NCAM2: variants seen among roughly 807,000 people sequenced by gnomAD.
The protein encoded by NCAM2 is neural cell adhesion molecule 2.
NCAM2 carries 30 observed loss-of-function variants against 98.1 expected under a neutral mutation model. The observed-to-expected ratio is 0.31, with a 90% confidence interval of 0.23 to 0.41. The LOEUF is 0.41. Ranked by LOEUF, NCAM2 falls within the 10% of genes least tolerant of loss-of-function variation. The pLI is 1.00. For synonymous variants in NCAM2, 368 were observed against 342.4 expected (o/e 1.07, Z -0.83); for missense variants, 867 against 1,005.8 (o/e 0.86, Z 1.87).
At chr21:21,470,117 T>C (rs1602434988) in intron 14 of NCAM2, among the ~76,000 whole-genome samples, 1 of 152,076 alleles carries the variant, frequency 6.6e-6, no homozygotes, top group East Asian at 1.9e-4. Context: ...ACGTGTTGTA[T>C]ATTTTTATTT....
At chr21:21,068,290 G>A (rs1443043162) in intron 1 of NCAM2, among the ~76,000 whole-genome samples, 3 of 151,286 alleles carry the variant, frequency 2.0e-5, no homozygotes, top group Non-Finnish European at 4.4e-5. Flanking sequence ...CCACCACCGT[G>A]CCTGGCTAAT....
intron 8 of NCAM2, among the ~76,000 whole-genome samples, chr21:21,343,286 G>A (rs1294656512): frequency 6.0e-5 from 9 of 150,454 alleles, no homozygotes; most frequent in African/African-American, 2.2e-4. Flanking sequence ...GAGCAAAATG[G>A]CAGAATAGAA....
chr21:21,389,815 A>G (rs747299378), intron 9 of NCAM2, among the ~76,000 whole-genome samples: 11 of 152,148 alleles, frequency 7.2e-5, no homozygotes, highest in Non-Finnish European at 1.3e-4. Context: ...TTATCCATTC[A>G]TGCACTGGTG....
chr21:21,480,298 C>T (rs372850905), intron 15 of NCAM2, among the ~76,000 whole-genome samples: 3 of 141,290 alleles, frequency 2.1e-5, no homozygotes, highest in East Asian at 4.3e-4. Context: ...ACCTGGAAGG[C>T]GGAGCTTGCA....
At chr21:21,391,318 A>G (rs923266831) in intron 9 of NCAM2, among the ~76,000 whole-genome samples, 2 of 152,214 alleles carry the variant, frequency 1.3e-5, no homozygotes, top group African/African-American at 4.8e-5. Flanking sequence ...AGGGAACCGG[A>G]ATCTACTTAT....
At chr21:21,193,583 C>A (rs2068900035) in intron 1 of NCAM2, among the ~76,000 whole-genome samples, 1 of 148,184 alleles carries the variant, frequency 6.7e-6, no homozygotes, top group Admixed American at 6.9e-5. Context: ...GCAACCTCTG[C>A]TTCCTGGGTT....
intron 1 of NCAM2, among the ~76,000 whole-genome samples, chr21:21,263,259 C>T (rs771472611): frequency 6.6e-6 from 1 of 151,350 alleles, no homozygotes; most frequent in Non-Finnish European, 1.5e-5. Context: ...TTTACAACTG[C>T]CACAAAAAAT....
At chr21:21,525,163 A>T (rs1382981906) in intron 16 of NCAM2, among the ~76,000 whole-genome samples, 2 of 152,116 alleles carry the variant, frequency 1.3e-5, no homozygotes, top group Non-Finnish European at 2.9e-5. Context: ...AACATTGTAG[A>T]AGAAGTAAAT....
chr21:21,250,221 A>G (rs1197255830), intron 1 of NCAM2, among the ~76,000 whole-genome samples: 1 of 152,222 alleles, frequency 6.6e-6, no homozygotes, highest in Admixed American at 6.5e-5. Context: ...TGAGTTACCA[A>G]AATTCTAACT....
chr21:21,241,321 T>G (rs929334907), intron 1 of NCAM2, among the ~76,000 whole-genome samples: 1 of 102,206 alleles, frequency 9.8e-6, no homozygotes, highest in Non-Finnish European at 1.9e-5. Context: ...AAAAAATCCT[T>G]GTCTAAATTA....
At chr21:21,173,867 C>A (rs1647252286) in intron 1 of NCAM2, among the ~76,000 whole-genome samples, 1 of 152,120 alleles carries the variant, frequency 6.6e-6, no homozygotes, top group African/African-American at 2.4e-5. Context: ...TACCCAGAGG[C>A]TTGAAGGGTT....
At chr21:21,052,611 A>C (rs1465064149) in intron 1 of NCAM2, among the ~76,000 whole-genome samples, 1 of 152,098 alleles carries the variant, frequency 6.6e-6, no homozygotes, top group Non-Finnish European at 1.5e-5. Flanking sequence ...CTTTAGACCC[A>C]AACAGTTGAT....
At chr21:21,452,091 T>A (rs1981170822) in intron 12 of NCAM2, among the ~76,000 whole-genome samples, 1 of 151,136 alleles carries the variant, frequency 6.6e-6, no homozygotes, top group East Asian at 1.9e-4. Flanking sequence ...GGATATAGTT[T>A]ATTAGTGACT....
rs148751250 is a variant in NCAM2 at position 21,200,025 on chromosome 21, C to A, written c.56-80553C>A. On this transcript the variant is annotated intron_variant, in intron 1 of 17. Transcript: ENST00000400546. ...TTTTTGCCACTCCATGAAGACTGCC[C>A]CCGAATTGTCAGGGATTCCAAGAAA... Among the ~76,000 whole-genome samples, 326 of 152,130 alleles carry A rather than the reference C, an allele frequency of 2.1e-3. 1 individual carries two copies. Among genetic ancestry groups the A allele is most frequent in the African/African-American group, 7.1e-3 (296 of 41,506 alleles).
chr21:21,110,077 C>T (rs186981929), intron 1 of NCAM2, among the ~76,000 whole-genome samples: 3 of 152,190 alleles, frequency 2.0e-5, no homozygotes, highest in East Asian at 3.9e-4. Context: ...GTTGGGATTA[C>T]AAAGAAGGAA....
intron 1 of NCAM2, among the ~76,000 whole-genome samples, chr21:21,253,701 G>A (rs1474266890): frequency 1.3e-5 from 2 of 152,108 alleles, no homozygotes; most frequent in African/African-American, 4.8e-5. Flanking sequence ...GACATTATTT[G>A]GATGAACTAG....
In NCAM2 at chr21:21,292,130, A is replaced by C. The variant is rs1322997172; in HGVS notation, c.508A>C (p.Asn170His). ...TCGGTTCGCTATGTTAGCAAACAAT[A>C]ACCTGCAGATTCTCAACATCAATAA... ...DNRFAMLANN[N>H]LQILNINKSD... The change falls in exon 5 of 18, where the codon AAC (asparagine) becomes CAC (histidine). Residue 170 changes from asparagine to histidine, a missense_variant. Physicochemically the swap from Asn to His is moderately conservative, Grantham distance 68. Transcript: ENST00000400546. The C allele has an allele frequency of 6.2e-7, 1 of 1,611,022 alleles. No individual in the cohort carries two copies. Among genetic ancestry groups the C allele is most frequent in the African/African-American group, 1.3e-5 (1 of 74,794 alleles).
intron 16 of NCAM2, among the ~76,000 whole-genome samples, chr21:21,510,000 C>CTTGT (rs1988258802): frequency 6.6e-6 from 1 of 152,108 alleles, no homozygotes; most frequent in Non-Finnish European, 1.5e-5. Flanking sequence ...TTTTCTGACA[C>CTTGT]ATACAAAAGT....
At chr21:21,098,828 T>C (rs1395633603) in intron 1 of NCAM2, among the ~76,000 whole-genome samples, 1 of 151,820 alleles carries the variant, frequency 6.6e-6, no homozygotes, top group Non-Finnish European at 1.5e-5. Context: ...TTTTAAAAAA[T>C]TCAGTTTTGT....
Sources: allele counts gnomAD v4.1 joint callset (sites outside exome capture counted in the v4.1 genomes callset), GRCh38; gene constraint gnomAD v4.1.1; transcripts MANE v1.5; gene names NCBI Gene and HGNC (gene_info 2026-07-23, HGNC 2026-07-21).